The following RNPS1 variants were observed in gnomAD, a reference collection of about 807,000 sequenced individuals.
The protein encoded by RNPS1 is RNA-binding protein with serine-rich domain 1.
For missense variants in RNPS1, 300 were observed against 427.6 expected, an observed-to-expected ratio of 0.70 and a Z score of 2.63; for synonymous variants, 147 against 150.0, an observed-to-expected ratio of 0.98 and a Z score of 0.15.
In RNPS1 at chr16:2,268,126, C is replaced by G. The variant is rs933685425; in HGVS notation, c.-189G>C. 6.5e-7 allele frequency: 1 copy of G among 1,531,824 alleles called. No homozygotes were observed. Among genetic ancestry groups the G allele is most frequent in the East Asian group, 2.5e-5 (1 of 40,776 alleles). 94.9% of individuals were successfully genotyped at this position (1,531,824 alleles called of 1,614,324 possible). ...GCCGGCGCCGCTCTGACGTCAGAGT[C>G]AAGGAGCGGGAAGTCGCCGCCGCCC... On this transcript the variant is annotated 5_prime_UTR_variant, in exon 1 of 8. Transcript: ENST00000320225.
At chr16:2,254,268 T>C in intron 7 of RNPS1, among the ~76,000 whole-genome samples, 1 of 152,232 alleles carries the variant, frequency 6.6e-6, no homozygotes, top group East Asian at 1.9e-4. Flanking sequence ...CCCATGCAAC[T>C]GGGACTACAG....
intron 1 of RNPS1, chr16:2,267,228 G>A (rs1162801572): frequency 1.0e-6 from 1 of 985,338 alleles, no homozygotes; most frequent in Non-Finnish European, 1.2e-6. Context: ...CCTCCGGAAA[G>A]GTGCGCGTCC....
intron 6 of RNPS1, chr16:2,257,399 G>C (rs915069901): frequency 3.9e-5 from 6 of 152,058 alleles, no homozygotes; most frequent in Non-Finnish European, 7.3e-5. Context: ...CCCAAATTAG[G>C]GATTTCACAG....
chr16:2,258,380 A>G (rs2093587975), intron 6 of RNPS1: 1 of 151,418 alleles, frequency 6.6e-6, no homozygotes, highest in Admixed American at 6.6e-5. Context: ...CTGGAGCTAC[A>G]AAAAAAAGGT....
intron 1 of RNPS1, 119 bp from the exon 2 acceptor site, chr16:2,264,879 T>C (rs987078206): frequency 1.3e-6 from 1 of 769,690 alleles, no homozygotes; most frequent in Non-Finnish European, 1.9e-6. Flanking sequence ...GCAATAAGTG[T>C]CCACACAGTC....
chr16:2,261,385 A>T (rs1250979944), intron 6 of RNPS1, among the ~76,000 whole-genome samples: 1 of 152,180 alleles, frequency 6.6e-6, no homozygotes, highest in African/African-American at 2.4e-5. Context: ...CCGGGAACAA[A>T]TCCACCTCTT....
rs1214338029 is a variant in RNPS1 at position 2,264,156 on chromosome 16, T to C, written c.227+20A>G. On this transcript the variant is annotated intron_variant, in intron 3 of 7. Transcript: ENST00000320225. Reference sequence around the variant, plus strand: ...GCTGTGGCACAGGTCCTCTCCAGGCTCCAGGCCAGCCCGCCCCACCTGGTA... The same window carrying C: ...GCTGTGGCACAGGTCCTCTCCAGGCCCCAGGCCAGCCCGCCCCACCTGGTA... 1 of 1,612,030 alleles carries C rather than the reference T, an allele frequency of 6.2e-7. No individual in the cohort carries two copies. Among genetic ancestry groups the C allele is most frequent in the African/African-American group, 1.3e-5 (1 of 74,844 alleles).
At chr16:2,256,176 G>A in intron 6 of RNPS1, 1 of 187,254 alleles carries the variant, frequency 5.3e-6, no homozygotes, top group East Asian at 1.7e-4. Context: ...TGTTTCATGA[G>A]GAAAAGAGGC....
intron 2 of RNPS1, 73 bp from the exon 3 acceptor site, chr16:2,264,404 G>T (rs1181405448): frequency 1.8e-5 from 29 of 1,602,956 alleles, no homozygotes; most frequent in African/African-American, 6.7e-5. Flanking sequence ...CAAAACGGGG[G>T]ATCAGCATCA....
At chr16:2,258,980 G>A (rs2093590547) in intron 6 of RNPS1, among the ~76,000 whole-genome samples, 1 of 151,724 alleles carries the variant, frequency 6.6e-6, no homozygotes, top group South Asian at 2.1e-4. Context: ...AAAATTAGCT[G>A]GATATAGTGG....
At chr16:2,267,747 G>A (rs1247657473) in intron 1 of RNPS1, 2 of 1,304,412 alleles carry the variant, frequency 1.5e-6, no homozygotes, top group East Asian at 3.4e-5. Flanking sequence ...CCGGCGGGAG[G>A]GCCCCAAGGG....
chr16:2,254,740 C>A (rs764982058), intron 7 of RNPS1, among the ~76,000 whole-genome samples: 8 of 103,592 alleles, frequency 7.7e-5, no homozygotes, highest in Admixed American at 1.1e-4. Flanking sequence ...AAAGTTTTAC[C>A]TTTTTTTTTT....
chr16:2,261,124 C>T (rs1009987737), intron 6 of RNPS1, among the ~76,000 whole-genome samples: 7 of 149,974 alleles, frequency 4.7e-5, no homozygotes, highest in South Asian at 2.1e-4. Flanking sequence ...AGCCAGACTC[C>T]GTCTCAAAAA....
At chr16:2,261,636 C>A (rs2093603502) in intron 6 of RNPS1, among the ~76,000 whole-genome samples, 1 of 152,166 alleles carries the variant, frequency 6.6e-6, no homozygotes, top group South Asian at 2.1e-4. Context: ...AAAGCCAAGG[C>A]CCTTATACAA....
At chr16:2,260,525 C>T (rs1176854607) in intron 6 of RNPS1, among the ~76,000 whole-genome samples, 1 of 152,122 alleles carries the variant, frequency 6.6e-6, no homozygotes, top group African/African-American at 2.4e-5. Flanking sequence ...ATTTTGTGTA[C>T]ACAGTCCCTG....
Position 2,268,083 on chromosome 16 carries a change from C to T in RNPS1, c.-146G>A, listed in dbSNP as rs765105996. 5 of 1,535,472 alleles carry T rather than the reference C, an allele frequency of 3.3e-6. No individual in the cohort carries two copies. The highest frequency in any genetic ancestry group is 2.4e-5 in the East Asian group (1 of 40,896). On this transcript the variant is annotated 5_prime_UTR_variant, in exon 1 of 8. Transcript: ENST00000320225. ...TTCCCGCCGCCGCCACCTCCTCCTG[C>T]TTTCCTCAGCCGCCGAGGCCGGCGC...
chr16:2,264,173 C>T lies in RNPS1; in HGVS notation c.227+3G>A, dbSNP rs950829659. ...CTCCAGGCTCCAGGCCAGCCCGCCCCACCTGGTACTGCTGCTACCACTGGA... is the reference window on the plus strand; with the variant it reads ...CTCCAGGCTCCAGGCCAGCCCGCCCTACCTGGTACTGCTGCTACCACTGGA... On this transcript the variant is annotated splice_donor_region_variant and intron_variant, in intron 3 of 7. Coordinates refer to ENST00000320225, the MANE Select transcript of RNPS1 (RefSeq NM_080594.4). The T allele has an allele frequency of 3.0e-5, 49 of 1,612,650 alleles. No homozygotes were observed. Among genetic ancestry groups the T allele is most frequent in the Non-Finnish European group, 4.2e-5 (49 of 1,180,028 alleles).
At chr16:2,266,898 T>C (rs2093627171) in intron 1 of RNPS1, 1 of 224,786 alleles carries the variant, frequency 4.4e-6, no homozygotes, top group Non-Finnish European at 7.4e-6. Flanking sequence ...GGTGTGTGTT[T>C]TAATATTTCA....
At chr16:2,254,108 G>T in intron 7 of RNPS1, 45 bp from the exon 8 acceptor site, 1 of 1,334,412 alleles carries the variant, frequency 7.5e-7, no homozygotes, top group South Asian at 1.6e-5. Flanking sequence ...CAGGCTGTAG[G>T]GGCAAGCTAG....
Sources: gnomAD v4.1 joint callset for allele counts (sites outside exome capture counted in the v4.1 genomes callset) on GRCh38, gnomAD v4.1.1 for gene constraint, MANE v1.5 for transcripts, NCBI Gene and HGNC (gene_info 2026-07-23, HGNC 2026-07-21) for gene names.